Variants in PPP6C observed in about 807,000 individuals in gnomAD.
PPP6C encodes the protein protein phosphatase 6 catalytic subunit.
A neutral mutation model predicts 39.8 loss-of-function variants in PPP6C; 11 were observed. The observed-to-expected ratio is 0.28, with a 90% CI of 0.17 to 0.46. The LOEUF (loss-of-function observed/expected upper bound fraction) is 0.46, where lower values mean the gene tolerates loss of function less well. Ranked by LOEUF, PPP6C falls within the 20% of genes least tolerant of loss-of-function variation. The pLI is 1.00. For synonymous variants in PPP6C, 129 were observed against 130.3 expected (o/e 0.99, Z 0.07); for missense variants, 211 against 373.9 (o/e 0.56, Z 3.59).
At chr9:125,152,558 C>T (rs113538835) in intron 6 of PPP6C, among the ~76,000 whole-genome samples, 6,552 of 152,190 alleles carry the variant, frequency 0.043, 461 homozygotes, top group African/African-American at 0.15. Context: ...AGGCTGGGCG[C>T]GGTGGCTCAC....
rs557653143 is a variant in PPP6C, at chr9:125,182,778, C to A, written c.75+6866G>T. ...TAGATACCCATAGTAACTTCCCACC[C>A]CTCCCCTGACCCAGCTGTGACAACC... is the stretch of plus-strand genomic sequence containing the variant. On this transcript the variant is annotated intron_variant, in intron 1 of 6. Transcript: ENST00000373547. Among the ~76,000 whole-genome samples, 13 of 149,064 alleles carry A rather than the reference C, an allele frequency of 8.7e-5. 1 individual carries two copies. The South Asian group carries it at 2.8e-3, about 32-fold the overall frequency.
chr9:125,181,219 T>C (rs1368225755), intron 1 of PPP6C, among the ~76,000 whole-genome samples: 1 of 152,218 alleles, frequency 6.6e-6, no homozygotes, highest in Non-Finnish European at 1.5e-5. Flanking sequence ...TAAAGACACA[T>C]GCTCCTCTCC....
At position 125,160,873 on chromosome 9, in the gene PPP6C, C is replaced by T; in HGVS notation, c.205G>A (p.Gly69Ser). 6.3e-7 allele frequency: 1 copy of T among 1,594,144 alleles called. No individual in the cohort carries two copies. Among genetic ancestry groups the T allele is most frequent in the Non-Finnish European group, 8.5e-7 (1 of 1,172,446 alleles). The change falls in exon 3 of 7, where the codon GGT becomes AGT. Residue 69 changes from glycine to serine, a missense_variant. By Grantham distance (56) the Gly-to-Ser change is moderately conservative. Coordinates refer to ENST00000373547, the MANE Select transcript of PPP6C (RefSeq NM_002721.5). ...YDLCELFRTG[G>S]QVPDTNYIFM... is the part of the protein sequence containing the mutation. ...ATGTAGTTTGTGTCAGGAACCTGAC[C>T]TCCAGTTCTGAACAGTTCACAAAGG...
rs993305023 is a variant in PPP6C at position 125,147,188 on chromosome 9, A to G, written c.*2485T>C. The G allele has an allele frequency of 2.0e-5, 3 of 152,196 alleles. No homozygotes were observed. The highest frequency in any genetic ancestry group is 7.2e-5 in the African/African-American group (3 of 41,458). 9.4% of individuals were successfully genotyped at this position (152,196 alleles called of 1,614,324 possible). A position where few individuals can be genotyped will look rare whatever the true frequency, so the allele number is the denominator to read the frequency against. On this transcript the variant is annotated 3_prime_UTR_variant, in exon 7 of 7. Transcript: ENST00000373547. ...AAGCTAGCCAAGAGCATATCGGCCA[A>G]AGGAGGAAAGGGAGTAAATGGCAAT...
At chr9:125,184,198 A>C (rs748509527) in intron 1 of PPP6C, among the ~76,000 whole-genome samples, 1 of 152,164 alleles carries the variant, frequency 6.6e-6, no homozygotes, top group South Asian at 2.1e-4. Flanking sequence ...CCATCCTGGC[A>C]AACACAGTGA....
chr9:125,173,730 G>C (rs959761054), intron 1 of PPP6C, among the ~76,000 whole-genome samples: 10 of 151,882 alleles, frequency 6.6e-5, no homozygotes, highest in Non-Finnish European at 1.3e-4. Flanking sequence ...CCATTCTCCT[G>C]CCTCAGCCTC....
intron 3 of PPP6C, among the ~76,000 whole-genome samples, chr9:125,159,374 A>ATT (rs1331331927): frequency 1.1e-4 from 15 of 138,066 alleles, no homozygotes; most frequent in East Asian, 6.3e-4. Context: ...TAAAAATTCA[A>ATT]TTTTTTTTTT....
intron 1 of PPP6C, among the ~76,000 whole-genome samples, chr9:125,182,929 A>C (rs368628301): frequency 2.0e-5 from 3 of 152,000 alleles, no homozygotes; most frequent in African/African-American, 7.2e-5. Flanking sequence ...CACATTTGGC[A>C]ATCAACAAGT....
chr9:125,187,755 C>T (rs1430168775), intron 1 of PPP6C, among the ~76,000 whole-genome samples: 1 of 151,722 alleles, frequency 6.6e-6, no homozygotes, highest in Non-Finnish European at 1.5e-5. Context: ...AATTGGGTCC[C>T]AATGCTAGTT....
intron 2 of PPP6C, among the ~76,000 whole-genome samples, chr9:125,170,824 C>G (rs1374094479): frequency 6.6e-6 from 1 of 152,146 alleles, no homozygotes; most frequent in Non-Finnish European, 1.5e-5. Context: ...ACCCCCAACC[C>G]CACCATTCCA....
intron 2 of PPP6C, among the ~76,000 whole-genome samples, chr9:125,167,315 A>G (rs368804032): frequency 1.6e-3 from 229 of 141,062 alleles, no homozygotes; most frequent in African/African-American, 5.8e-3. Flanking sequence ...CGGGAGGCAG[A>G]GGCTGCAATG....
chr9:125,150,416 T>C (rs905129923), intron 6 of PPP6C, among the ~76,000 whole-genome samples: 12 of 116,638 alleles, frequency 1.0e-4, no homozygotes, highest in African/African-American at 3.3e-4. Context: ...CTTCCCAATA[T>C]AAGGGGTGTG....
chr9:125,162,001 G>A (rs763741100), intron 2 of PPP6C, among the ~76,000 whole-genome samples: 7 of 150,992 alleles, frequency 4.6e-5, no homozygotes, highest in Non-Finnish European at 1.0e-4. Flanking sequence ...GTTAGTCAAA[G>A]TGAAGAAAAC....
intron 1 of PPP6C, among the ~76,000 whole-genome samples, chr9:125,185,786 A>G (rs1187299353): frequency 1.3e-5 from 2 of 151,846 alleles, no homozygotes; most frequent in African/African-American, 4.9e-5. Context: ...GGAGTTCGAG[A>G]CCAGCCTGAA....
intron 1 of PPP6C, among the ~76,000 whole-genome samples, chr9:125,173,611 T>C (rs1040969938): frequency 1.3e-5 from 2 of 151,370 alleles, no homozygotes; most frequent in African/African-American, 2.4e-5. Flanking sequence ...ACAAAAAAGA[T>C]GAGCCTTTTT....
At chr9:125,159,379 T>A (rs1828806026) in intron 3 of PPP6C, among the ~76,000 whole-genome samples, 1 of 151,486 alleles carries the variant, frequency 6.6e-6, no homozygotes, top group Non-Finnish European at 1.5e-5. Context: ...ATTCAATTTT[T>A]TTTTTTTTTT....
At chr9:125,151,386 G>C in intron 6 of PPP6C, 1 of 1,026,686 alleles carries the variant, frequency 9.7e-7, no homozygotes, top group Non-Finnish European at 1.5e-6. Context: ...TTGACTCACA[G>C]AATCTTCTCT....
chr9:125,158,138 G>C (rs1836126257), intron 4 of PPP6C, 103 bp downstream of exon 4: 1 of 1,192,192 alleles, frequency 8.4e-7, no homozygotes, highest in African/African-American at 1.5e-5. Context: ...GTGAGGATGT[G>C]GGGAAAATAA....
chr9:125,151,175 T>C, intron 6 of PPP6C: 3 of 1,486,502 alleles, frequency 2.0e-6, no homozygotes, highest in East Asian at 4.5e-5. Context: ...GCTAAGAGAG[T>C]GACCTCCATT....
Sources: allele counts gnomAD v4.1 joint callset (sites outside exome capture counted in the v4.1 genomes callset), GRCh38; gene constraint gnomAD v4.1.1; transcripts MANE v1.5; gene names NCBI Gene and HGNC (gene_info 2026-07-23, HGNC 2026-07-21).